SLC5A12: variants seen among roughly 807,000 people sequenced by gnomAD.
The protein encoded by SLC5A12 is solute carrier family 5 member 12.
In SLC5A12, 46 loss-of-function variants were observed where a neutral mutation model predicts 72.7. The ratio of observed to expected loss-of-function variants is 0.63; its 90% confidence interval spans 0.50 to 0.81. The LOEUF (loss-of-function observed/expected upper bound fraction) is 0.81. SLC5A12 is among the 30% of genes least tolerant of loss of function. The probability of loss-of-function intolerance (pLI) is 0.00; values close to 1 mark genes in which losing one functional copy is unlikely to be tolerated. For synonymous variants in SLC5A12, 275 were observed against 264.4 expected, an observed-to-expected ratio of 1.04 and a Z score of -0.39; for missense variants, 683 against 740.7, an observed-to-expected ratio of 0.92 and a Z score of 0.90.
At chr11:26,701,007 A>C (rs1854946029) in intron 6 of SLC5A12, among the ~76,000 whole-genome samples, 1 of 152,196 alleles carries the variant, frequency 6.6e-6, no homozygotes, top group Admixed American at 6.5e-5. Flanking sequence ...TTAGGCTCTC[A>C]GATAATGGAA....
At chr11:26,695,263 T>A (rs1178600088) in intron 8 of SLC5A12, among the ~76,000 whole-genome samples, 1 of 151,986 alleles carries the variant, frequency 6.6e-6, no homozygotes, top group Admixed American at 6.6e-5. Flanking sequence ...AGAAGAGGTA[T>A]CAAATACATA....
chr11:26,709,721 C>A (rs181434786), intron 3 of SLC5A12, among the ~76,000 whole-genome samples: 49 of 152,050 alleles, frequency 3.2e-4, no homozygotes, highest in African/African-American at 1.1e-3. Flanking sequence ...AAACATGAGC[C>A]ATGAGCAGGG....
chr11:26,696,653 G>A (rs897025472), intron 8 of SLC5A12, among the ~76,000 whole-genome samples: 57 of 152,238 alleles, frequency 3.7e-4, no homozygotes, highest in African/African-American at 1.1e-3. Flanking sequence ...ATCACAAAGC[G>A]TTTGTATACT....
intron 14 of SLC5A12, 85 bp from the exon 15 acceptor site, chr11:26,671,336 C>A: frequency 2.1e-4 from 240 of 1,160,500 alleles, no homozygotes; most frequent in East Asian, 5.3e-4. Context: ...TAGGCCTTGG[C>A]TTCAAAAAAT....
chr11:26,712,264 G>T (rs913674024), intron 2 of SLC5A12, among the ~76,000 whole-genome samples: 6 of 151,980 alleles, frequency 3.9e-5, no homozygotes, highest in African/African-American at 1.2e-4. Flanking sequence ...AGGTATTTCT[G>T]CTTCAACTCA....
chr11:26,692,268 A>G (rs1056639467), intron 9 of SLC5A12: 1 of 522,180 alleles, frequency 1.9e-6, no homozygotes. Context: ...AGTATAGAAG[A>G]GTATCTGAAA....
intron 11 of SLC5A12, among the ~76,000 whole-genome samples, chr11:26,683,010 T>C (rs1854445197): frequency 6.6e-6 from 1 of 152,158 alleles, no homozygotes; most frequent in Non-Finnish European, 1.5e-5. Context: ...CTTTATGGAA[T>C]ATCCTATAGT....
At chr11:26,691,704 A>G (rs1854679472) in intron 9 of SLC5A12, 1 of 152,160 alleles carries the variant, frequency 6.6e-6, no homozygotes, top group Non-Finnish European at 1.5e-5. Flanking sequence ...ATTTCCCCAA[A>G]TTACCTATAT....
At chr11:26,720,966 T>A (rs1263699317) in intron 1 of SLC5A12, among the ~76,000 whole-genome samples, 1 of 152,196 alleles carries the variant, frequency 6.6e-6, no homozygotes, top group African/African-American at 2.4e-5. Context: ...TTCAAAAATC[T>A]TAACTAAGTC....
At chr11:26,709,497 C>A in intron 3 of SLC5A12, 118 bp from the exon 4 acceptor site, 2 of 711,314 alleles carry the variant, frequency 2.8e-6, no homozygotes, top group South Asian at 4.0e-5. Context: ...AAAATAAAAT[C>A]AAATTAGAGT....
chr11:26,712,569 GC>G, intron 2 of SLC5A12, 71 bp downstream of exon 2: 2 of 1,134,676 alleles, frequency 1.8e-6, no homozygotes, highest in Non-Finnish European at 1.2e-6. Flanking sequence ...TGAGTTTATT[GC>G]CCCCAAAATA....
chr11:26,701,290 T>C (rs1014107107), intron 6 of SLC5A12, among the ~76,000 whole-genome samples: 2 of 152,242 alleles, frequency 1.3e-5, no homozygotes, highest in Non-Finnish European at 2.9e-5. Context: ...CTAAAGAGAA[T>C]TTTTATTTTT....
chr11:26,681,926 GA>G (rs2133146770), intron 11 of SLC5A12, among the ~76,000 whole-genome samples: 1 of 152,100 alleles, frequency 6.6e-6, no homozygotes, highest in South Asian at 2.1e-4. Context: ...AAAAATAGAA[GA>G]GGCCTTGGTA....
intron 13 of SLC5A12, among the ~76,000 whole-genome samples, 182 bp from the exon 14 acceptor site, chr11:26,673,711 T>C (rs1319213577): frequency 6.6e-6 from 1 of 152,166 alleles, no homozygotes; most frequent in Admixed American, 6.5e-5. Context: ...TTTTTAAACA[T>C]CAACAAATTG....
chr11:26,686,383 C>A, intron 10 of SLC5A12, 94 bp downstream of exon 10: 2 of 1,103,328 alleles, frequency 1.8e-6, no homozygotes, highest in South Asian at 1.3e-5. Flanking sequence ...CATTAAATGT[C>A]AGCCTTTGGA....
Position 26,721,961 on chromosome 11 carries a change from T to C in SLC5A12, c.-247A>G. On this transcript the variant is annotated 5_prime_UTR_variant, in exon 1 of 15. Transcript: ENST00000396005. ...GGCACCAAGAGATGAGAATTTGAAATCTGACCCTAGCTAAGAGCTGTCTGC... is the reference window on the plus strand; with the variant it reads ...GGCACCAAGAGATGAGAATTTGAAACCTGACCCTAGCTAAGAGCTGTCTGC... 2.0e-6 allele frequency: 1 copy of C among 506,028 alleles called. No individual in the cohort carries two copies. Among genetic ancestry groups the C allele is most frequent in the South Asian group, 2.6e-5 (1 of 38,674 alleles). The allele number at this position is 506,028 out of a possible 1,614,324, so 31.3% of individuals were successfully genotyped here. A position where few individuals can be genotyped will look rare whatever the true frequency, so the allele number is the denominator to read the frequency against.
At chr11:26,683,356 T>C (rs1854452251) in intron 11 of SLC5A12, among the ~76,000 whole-genome samples, 1 of 152,196 alleles carries the variant, frequency 6.6e-6, no homozygotes, top group Admixed American at 6.6e-5. Flanking sequence ...TAAAGTTAGT[T>C]ATAAATCTAG....
At chr11:26,685,623 C>CA (rs145824876) in intron 10 of SLC5A12, among the ~76,000 whole-genome samples, 15,174 of 149,980 alleles carry the variant, frequency 0.1, 864 homozygotes, top group Non-Finnish European at 0.11. Context: ...AACAAACAAA[C>CA]AAAAAAACAA....
intron 4 of SLC5A12, among the ~76,000 whole-genome samples, chr11:26,706,644 A>G (rs943127590): frequency 1.3e-5 from 2 of 151,986 alleles, no homozygotes. Flanking sequence ...AAATTTTGCC[A>G]TGCATTTTAA....
Sources: gnomAD v4.1 joint callset for allele counts (sites outside exome capture counted in the v4.1 genomes callset) on GRCh38, gnomAD v4.1.1 for gene constraint, MANE v1.5 for transcripts, NCBI Gene and HGNC (gene_info 2026-07-23, HGNC 2026-07-21) for gene names.